The following TMEM182 variants were observed in gnomAD, a reference collection of about 807,000 sequenced individuals.
TMEM182 encodes transmembrane protein 182.
TMEM182 carries 20 observed loss-of-function variants against 26.8 expected under a neutral mutation model. The observed-to-expected ratio is 0.75, with a 90% confidence interval of 0.53 to 1.09. TMEM182 has a LOEUF of 1.09. Among genes scored for constraint, TMEM182 ranks in the 50% least tolerant of loss-of-function variants. The pLI, the probability that TMEM182 is intolerant of heterozygous loss-of-function variation, is 0.00. For synonymous variants in TMEM182, 109 were observed against 102.2 expected, an observed-to-expected ratio of 1.07 and a Z score of -0.40; for missense variants, 277 against 275.5, an observed-to-expected ratio of 1.01 and a Z score of -0.04.
intron 3 of TMEM182, among the ~76,000 whole-genome samples, chr2:102,778,719 C>T (rs748035549): frequency 3.3e-5 from 5 of 151,884 alleles, no homozygotes; most frequent in Non-Finnish European, 7.4e-5. Flanking sequence ...TATGGTCTAT[C>T]GATGTTGACA....
At chr2:102,832,963 A>G (rs1310479294) in intron 3 of TMEM182, among the ~76,000 whole-genome samples, 3 of 152,080 alleles carry the variant, frequency 2.0e-5, no homozygotes, top group Non-Finnish European at 4.4e-5. Context: ...TCTCATCTCT[A>G]ATGTCTGTGA....
At chr2:102,759,889 T>C (rs1680155438), upstream of TMEM182, among the ~76,000 whole-genome samples, 1 of 152,214 alleles carries the variant, frequency 6.6e-6, no homozygotes, top group Non-Finnish European at 1.5e-5. Flanking sequence ...GTGGTCACCT[T>C]TCTCTCTCTG....
intron 1 of TMEM182, among the ~76,000 whole-genome samples, chr2:102,750,410 C>A (rs1046939807): frequency 6.6e-6 from 1 of 152,070 alleles, no homozygotes; most frequent in African/African-American, 2.4e-5. Context: ...TGTTTTTTGC[C>A]GATGTTGCTT....
At chr2:102,737,146 A>G in intron 1 of TMEM182, 1 of 247,214 alleles carries the variant, frequency 4.0e-6, no homozygotes, top group Non-Finnish European at 7.7e-6. Flanking sequence ...GAGTTGTGCT[A>G]GGAGGTGACC....
chr2:102,765,562 A>G (rs1381830179), intron 3 of TMEM182, among the ~76,000 whole-genome samples: 1 of 152,242 alleles, frequency 6.6e-6, no homozygotes, highest in Non-Finnish European at 1.5e-5. Context: ...TGGATATATA[A>G]CAATAACCAT....
At chr2:102,738,955 A>G (rs1679466625) in intron 1 of TMEM182, among the ~76,000 whole-genome samples, 1 of 152,206 alleles carries the variant, frequency 6.6e-6, no homozygotes, top group Admixed American at 6.5e-5. Flanking sequence ...TTGCAAGCCT[A>G]ATACTCAAAT....
At chr2:102,765,173 C>T (rs1680377606) in intron 3 of TMEM182, among the ~76,000 whole-genome samples, 2 of 152,062 alleles carry the variant, frequency 1.3e-5, no homozygotes, top group South Asian at 4.1e-4. Flanking sequence ...TATACATATG[C>T]ATGTGCACAT....
chr2:102,816,950 T>C lies in TMEM182; in HGVS notation c.*1982T>C. ...TCACTTTATAGTACACTTAAGTGGC[T>C]ACCATATATTTTTTATATGACAATT... On this transcript the variant is annotated 3_prime_UTR_variant, in exon 5 of 5. Transcript: ENST00000412401. The C allele has an allele frequency of 1.0e-6, 1 of 985,778 alleles. No homozygotes were observed. Among genetic ancestry groups the C allele is most frequent in the Non-Finnish European group, 1.2e-6 (1 of 829,858 alleles). The allele number at this position is 985,778 out of a possible 1,614,324, so 61.1% of individuals were successfully genotyped here.
Position 102,814,615 on chromosome 2 carries a change from C to T in TMEM182, c.470-133C>T, listed in dbSNP as rs1203137651. 4.2e-6 allele frequency: 3 copies of T among 721,000 alleles called. No individual in the cohort carries two copies. The Admixed American group carries it at 9.0e-5, about 22-fold the overall frequency. The allele number at this position is 721,000 out of a possible 1,614,324, so 44.7% of individuals were successfully genotyped here. A position where few individuals can be genotyped will look rare whatever the true frequency, so the allele number is the denominator to read the frequency against. The stretch of plus-strand genomic sequence containing the variant: ...ATCTATAAAGTACATAATAAAAGGT[C>T]TGACGTAGAGTATTTGATTTTGCTA... On this transcript the variant is annotated intron_variant, in intron 4 of 4. Transcript: ENST00000412401.
intron 1 of TMEM182, among the ~76,000 whole-genome samples, chr2:102,742,442 A>G (rs1452177858): frequency 6.6e-6 from 1 of 151,978 alleles, no homozygotes; most frequent in Non-Finnish European, 1.5e-5. Context: ...ACCAAAAGGG[A>G]AAGGTGTAAG....
chr2:102,803,496 G>A (rs1296957229), intron 4 of TMEM182, among the ~76,000 whole-genome samples: 1 of 152,148 alleles, frequency 6.6e-6, no homozygotes, highest in Non-Finnish European at 1.5e-5. Flanking sequence ...GGGATTTGTG[G>A]TTTGGTTTCC....
At chr2:102,808,240 A>G in intron 4 of TMEM182, among the ~76,000 whole-genome samples, 1 of 152,154 alleles carries the variant, frequency 6.6e-6, no homozygotes, top group East Asian at 1.9e-4. Flanking sequence ...TGCTATAAGG[A>G]TGGGTTGTGT....
intron 3 of TMEM182, among the ~76,000 whole-genome samples, chr2:102,782,539 A>C (rs368518914): frequency 6.6e-6 from 1 of 152,120 alleles, no homozygotes; most frequent in Non-Finnish European, 1.5e-5. Context: ...TGCCCCCTTG[A>C]ATCTTAATAC....
intron 3 of TMEM182, among the ~76,000 whole-genome samples, chr2:102,839,251 A>G (rs961447981): frequency 6.6e-6 from 1 of 152,060 alleles, no homozygotes; most frequent in African/African-American, 2.4e-5. Context: ...CTAAGTGGCT[A>G]CTTGGACTTC....
intron 3 of TMEM182, among the ~76,000 whole-genome samples, chr2:102,776,423 G>A (rs895522189): frequency 4.6e-5 from 7 of 152,128 alleles, no homozygotes; most frequent in African/African-American, 1.7e-4. Flanking sequence ...ACCAGATGTG[G>A]CCTTTTCAGA....
intron 1 of TMEM182, among the ~76,000 whole-genome samples, chr2:102,749,663 A>T (rs1438938139): frequency 6.6e-6 from 1 of 152,194 alleles, no homozygotes; most frequent in Non-Finnish European, 1.5e-5. Context: ...GAATCATAAA[A>T]GTACATAATT....
chr2:102,795,360 T>G (rs2098345), intron 3 of TMEM182, among the ~76,000 whole-genome samples: 81,964 of 152,006 alleles, frequency 0.54, 22,670 homozygotes, highest in African/African-American at 0.65. Context: ...GAATTTTATG[T>G]TGTCAAAATT....
intron 3 of TMEM182, among the ~76,000 whole-genome samples, chr2:102,781,365 C>T (rs1216788389): frequency 2.0e-5 from 3 of 152,114 alleles, no homozygotes; most frequent in African/African-American, 4.8e-5. Flanking sequence ...AGATGATTTG[C>T]AGTTTTTGAA....
intron 3 of TMEM182, among the ~76,000 whole-genome samples, chr2:102,835,836 A>C: frequency 7.2e-6 from 1 of 138,172 alleles, no homozygotes; most frequent in Admixed American, 7.1e-5. Flanking sequence ...TCCTAATGCT[A>C]TCCCTCCCCC....
Sources: allele counts gnomAD v4.1 joint callset (sites outside exome capture counted in the v4.1 genomes callset), GRCh38; gene constraint gnomAD v4.1.1; transcripts MANE v1.5; gene names NCBI Gene and HGNC (gene_info 2026-07-23, HGNC 2026-07-21).